The following ADGRE2 variants were observed in gnomAD, a reference collection of about 807,000 sequenced individuals.
ADGRE2 encodes CD97 antigen.
In ADGRE2, 83 loss-of-function variants were observed where a neutral mutation model predicts 100.8. That is an observed-to-expected ratio of 0.82 (90% confidence interval 0.69 to 0.99). ADGRE2 has a LOEUF of 0.99. Ranked by LOEUF, ADGRE2 falls within the 50% of genes least tolerant of loss-of-function variation. The probability of loss-of-function intolerance (pLI) is 0.00; values close to 1 mark genes in which losing one functional copy is unlikely to be tolerated. For missense variants in ADGRE2, 814 were observed against 1,035.7 expected, an observed-to-expected ratio of 0.79 and a Z score of 2.94; for synonymous variants, 355 against 413.0, an observed-to-expected ratio of 0.86 and a Z score of 1.70.
downstream of ADGRE2, among the ~76,000 whole-genome samples, chr19:14,727,542 G>C (rs974717501): frequency 1.1e-4 from 16 of 152,140 alleles, no homozygotes; most frequent in Admixed American, 5.2e-4. Flanking sequence ...AACTACCAGA[G>C]CAAGAACTGA....
intron 4 of ADGRE2, 75 bp from the exon 5 acceptor site, chr19:14,772,572 C>T (rs45470893): frequency 0.025 from 38,957 of 1,547,286 alleles, 628 homozygotes; most frequent in East Asian, 0.058. Context: ...CGTCCTGACT[C>T]CCCAACATGG....
In ADGRE2 at chr19:14,756,489, T is replaced by C. The variant is rs950717819; in HGVS notation, c.1085-144A>G. 38 of 631,656 alleles carry C rather than the reference T, an allele frequency of 6.0e-5. No homozygotes were observed. The Admixed American group carries it at 9.0e-4, about 15-fold the overall frequency. The allele number at this position is 631,656 out of a possible 1,614,324, so 39.1% of individuals were successfully genotyped here. ...CGGAAGAGAATAGTGTGAGCAACTG[T>C]ATATCTACAAAGTAGGTAACCTAGA... is the stretch of plus-strand genomic sequence containing the variant. On this transcript the variant is annotated intron_variant, in intron 11 of 20. Coordinates refer to ENST00000315576, the MANE Select transcript of ADGRE2 (RefSeq NM_013447.4).
chr19:14,738,737 A>G (rs760665639), intron 20 of ADGRE2, among the ~76,000 whole-genome samples: 4 of 152,022 alleles, frequency 2.6e-5, no homozygotes, highest in Non-Finnish European at 5.9e-5. Flanking sequence ...TCCTAGGTTC[A>G]TAGGAAACTC....
At chr19:14,766,077 G>A (rs542253282) in intron 7 of ADGRE2, 158 bp downstream of exon 7, 70 of 1,413,366 alleles carry the variant, frequency 5.0e-5, no homozygotes, top group African/African-American at 1.1e-4. Flanking sequence ...AGCTCCTTCC[G>A]CAGGACCCTT....
chr19:14,774,130 G>A (rs1398860342), intron 3 of ADGRE2, 76 bp from the exon 4 acceptor site: 16 of 1,522,914 alleles, frequency 1.1e-5, no homozygotes, highest in African/African-American at 4.1e-5. Context: ...GGGAGATGGG[G>A]CAGAGCGCTG....
intron 13 of ADGRE2, among the ~76,000 whole-genome samples, chr19:14,755,330 G>A (rs1009991749): frequency 6.6e-6 from 1 of 151,830 alleles, no homozygotes; most frequent in Admixed American, 6.6e-5. Flanking sequence ...GCACACACCT[G>A]TAGTCCCAGC....
At chr19:14,741,811 C>T (rs933664580) in intron 20 of ADGRE2, 10 of 377,628 alleles carry the variant, frequency 2.6e-5, no homozygotes, top group Non-Finnish European at 3.3e-5. Context: ...GACACAAATC[C>T]AAGTAGTCTT....
chr19:14,772,579 A>G (rs2044251763), intron 4 of ADGRE2, 82 bp from the exon 5 acceptor site: 2 of 1,490,326 alleles, frequency 1.3e-6, no homozygotes, highest in Admixed American at 3.8e-5. Flanking sequence ...ACTCCCCAAC[A>G]TGGGGCCTGC....
intron 16 of ADGRE2, among the ~76,000 whole-genome samples, chr19:14,748,358 A>G (rs10411959): frequency 0.38 from 58,249 of 151,910 alleles, 12,745 homozygotes; most frequent in African/African-American, 0.59. Context: ...GGCCAGGCTG[A>G]AGTGCAATGG....
rs951311769 is a variant in ADGRE2 at position 14,767,129 on chromosome 19, G to T, written c.356-20C>A. ...CCACATCTGCAAGAGGAAGGAGAGG[G>T]TGAAGAATGCCCGTAGCTGTGAGCA... On this transcript the variant is annotated intron_variant, in intron 5 of 20. Transcript: ENST00000315576. The T allele has an allele frequency of 1.9e-6, 3 of 1,606,480 alleles. No individual in the cohort carries two copies. The highest frequency in any genetic ancestry group is 2.5e-6 in the Non-Finnish European group (3 of 1,176,962).
Position 14,776,736 on chromosome 19 carries a change from G to T in ADGRE2, c.21C>A (p.Leu7=). 6.2e-7 allele frequency: 1 copy of T among 1,613,474 alleles called. No individual in the cohort carries two copies. The highest frequency in any genetic ancestry group is 8.5e-7 in the Non-Finnish European group (1 of 1,179,752). Residue 7 remains leucine, a synonymous_variant, in exon 2 of 21, where the codon CTC becomes CTA. Transcript: ENST00000315576. ...CCCCAAAGTACTTACCGAGAAAGAC[G>T]AGAAAGACGCGGCCTCCCATGGTTC... MGGRVF[L]VFLAFCVWLT...
rs995698312 is a variant in ADGRE2 at position 14,765,184 on chromosome 19, C to T, written c.906+136G>A. ...TTGGGTGTCCATTAGCTTCCACCAGCCCTGAAAGATGCTGGGAGTCAGACC... is the reference window on the plus strand; with the variant it reads ...TTGGGTGTCCATTAGCTTCCACCAGTCCTGAAAGATGCTGGGAGTCAGACC... On this transcript the variant is annotated intron_variant, in intron 10 of 20. Transcript: ENST00000315576. 3 of 856,358 alleles carry T rather than the reference C, an allele frequency of 3.5e-6. No homozygotes were observed. In the African/African-American group the frequency reaches 5.1e-5, roughly 15 times the overall value. The allele number at this position is 856,358 out of a possible 1,614,324, so 53.0% of individuals were successfully genotyped here. A position where few individuals can be genotyped will look rare whatever the true frequency, so the allele number is the denominator to read the frequency against.
chr19:14,765,876 A>C, intron 7 of ADGRE2, 72 bp from the exon 8 acceptor site: 1 of 1,612,094 alleles, frequency 6.2e-7, no homozygotes, highest in Non-Finnish European at 8.5e-7. Flanking sequence ...CTGTGCCCCC[A>C]GCTCGTTCCT....
chr19:14,752,722 G>T (rs927774922), intron 14 of ADGRE2, among the ~76,000 whole-genome samples, 196 bp from the exon 15 acceptor site: 2 of 152,044 alleles, frequency 1.3e-5, no homozygotes, highest in Admixed American at 1.3e-4. Context: ...GAATACAGGC[G>T]TAGTCATGTA....
At position 14,767,056 on chromosome 19, in the gene ADGRE2, C is replaced by T. The variant is rs774488166; in HGVS notation, c.409G>A (p.Val137Ile). 2.0e-5 allele frequency: 29 copies of T among 1,472,508 alleles called. 2 individuals are homozygous for T. Among genetic ancestry groups the T allele is most frequent in the Admixed American group, 6.3e-5 (3 of 47,858 alleles). 91.2% of individuals were successfully genotyped at this position (1,472,508 alleles called of 1,614,324 possible). A position where few individuals can be genotyped will look rare whatever the true frequency, so the allele number is the denominator to read the frequency against. The change falls in exon 6 of 21, where the codon GTC becomes ATC. Residue 137 changes from valine to isoleucine, a missense_variant. Coordinates refer to ENST00000315576, the MANE Select transcript of ADGRE2 (RefSeq NM_013447.4). ...CACGTGTAGCTGCCGAGGGTGTTGA[C>T]GCAGGTGCCGTAGCTTTTACAGAGC... is the stretch of plus-strand genomic sequence containing the variant. Reference protein sequence around the residue: ...PRLCKSYGTCVNTLGSYTCQC... With the variant: ...PRLCKSYGTCINTLGSYTCQC...
At chr19:14,729,920 T>C (rs1486904131), downstream of ADGRE2, among the ~76,000 whole-genome samples, 4 of 152,210 alleles carry the variant, frequency 2.6e-5, no homozygotes, top group African/African-American at 9.6e-5. Flanking sequence ...GCCAGTGGGA[T>C]CCCTGCTAGT....
In ADGRE2 at chr19:14,776,944, A is replaced by C; in HGVS notation, c.-171-17T>G. The C allele has an allele frequency of 7.0e-7, 1 of 1,422,928 alleles. No individual in the cohort carries two copies. Among genetic ancestry groups the C allele is most frequent in the Non-Finnish European group, 9.2e-7 (1 of 1,085,882 alleles). The allele number at this position is 1,422,928 out of a possible 1,614,324, so 88.1% of individuals were successfully genotyped here. ...GCGGTGCAGCTGGAAGCCAGCAGGA[A>C]AGCACAATAAAAACACAGAACCAGG... is the stretch of plus-strand genomic sequence containing the variant. On this transcript the variant is annotated splice_polypyrimidine_tract_variant and intron_variant, in intron 1 of 20. Coordinates refer to ENST00000315576, the MANE Select transcript of ADGRE2 (RefSeq NM_013447.4).
In ADGRE2 at chr19:14,735,614, T is replaced by C. The variant is rs2042732883; in HGVS notation, c.*622A>G. 1 of 152,230 alleles carries C rather than the reference T, an allele frequency of 6.6e-6. No homozygotes were observed. Among genetic ancestry groups the C allele is most frequent in the Non-Finnish European group, 1.5e-5 (1 of 68,050 alleles). 9.4% of individuals were successfully genotyped at this position (152,230 alleles called of 1,614,324 possible). On this transcript the variant is annotated 3_prime_UTR_variant, in exon 21 of 21. Transcript: ENST00000315576. ...AGTTTATACTTCAATTGCCTAGCAG[T>C]AGAAACCTGATTTCTAGGAATTTCG... is the stretch of plus-strand genomic sequence containing the variant.
chr19:14,730,351 G>A (rs770936111), downstream of ADGRE2, among the ~76,000 whole-genome samples: 1 of 145,304 alleles, frequency 6.9e-6, no homozygotes, highest in East Asian at 2.0e-4. Flanking sequence ...CACCGTGCCC[G>A]GCCACTGTCT....
Sources: allele counts gnomAD v4.1 joint callset (sites outside exome capture counted in the v4.1 genomes callset), GRCh38; gene constraint gnomAD v4.1.1; transcripts MANE v1.5; gene names NCBI Gene and HGNC (gene_info 2026-07-23, HGNC 2026-07-21).